Variants in PCNT observed in about 807,000 individuals in gnomAD.
PCNT encodes the protein pericentrin.
Under a neutral mutation model 380.4 loss-of-function variants are expected in PCNT, and 319 were observed. The ratio of observed to expected loss-of-function variants is 0.84; its 90% CI spans 0.77 to 0.92. The LOEUF (loss-of-function observed/expected upper bound fraction) is 0.92. PCNT is among the 40% of genes least tolerant of loss of function. PCNT has a pLI of 0.00. For synonymous variants in PCNT, 1,845 were observed against 1,735.2 expected, an observed-to-expected ratio of 1.06 and a Z score of -1.57; for missense variants, 4,400 against 4,255.3, an observed-to-expected ratio of 1.03 and a Z score of -0.95.
At position 46,357,017 on chromosome 21, in the gene PCNT, G is replaced by A. The variant is rs781055715; in HGVS notation, c.1980G>A (p.Leu660=). 3.0e-5 allele frequency: 49 copies of A among 1,614,110 alleles called. No homozygotes were observed. Among genetic ancestry groups the A allele is most frequent in the Non-Finnish European group, 4.1e-5 (48 of 1,180,050 alleles). ...TCCAGGGTGTGCAGGACGGGGACTT[G>A]GAGGCCGACACAGAGCGGGCAGCCA... ...VHLQGVQDGD[L]EADTERAARV... is the part of the protein sequence containing the mutation. Residue 660 remains leucine (L), a synonymous_variant, in exon 13 of 47, where the codon TTG becomes TTA. Transcript: ENST00000359568.
chr21:46,432,156 A>G lies in PCNT; in HGVS notation c.8692A>G (p.Arg2898Gly), dbSNP rs1162082933. The G allele has an allele frequency of 1.2e-6, 2 of 1,613,726 alleles. No homozygotes were observed. The highest frequency in any genetic ancestry group is 1.7e-5 in the Admixed American group (1 of 60,032). The stretch of plus-strand genomic sequence containing the variant: ...GGCTGCGAGGAGGAGCGCGGAGGCC[A>G]GGCAGAGCCCAGCGGCTGCGGAGCA... ...RKAARRSAEA[R>G]QSPAAAEQWR... is the part of the protein sequence containing the mutation. Residue 2898 changes from arginine to glycine, a missense_variant, in exon 38 of 47, where the codon AGG becomes GGG. Physicochemically the swap from Arg to Gly is moderately radical, Grantham distance 125. Coordinates refer to ENST00000359568, the MANE Select transcript of PCNT (RefSeq NM_006031.6).
rs376166347 is a variant in PCNT at position 46,326,466 on chromosome 21, G to T, written c.144G>T (p.Ala48=). 1.4e-5 allele frequency: 23 copies of T among 1,614,132 alleles called. No homozygotes were observed. The South Asian group carries it at 2.1e-4, about 15-fold the overall frequency. ...AGAGGAAGGGCTCGGCTGTCGATGC[G>T]TCTGTCCAGGAGGAGAGTCCGGTAA... ...TAKRKGSAVD[A]SVQEESPVTK... is the part of the protein sequence containing the mutation. Residue 48 remains alanine (A), a synonymous_variant, in exon 2 of 47, where the codon GCG becomes GCT. Transcript: ENST00000359568.
At chr21:46,401,760 G>T (rs375875479) in intron 26 of PCNT, 39 bp downstream of exon 26, 15 of 1,609,570 alleles carry the variant, frequency 9.3e-6, no homozygotes, top group African/African-American at 2.7e-5. Flanking sequence ...CCAGCCCTGG[G>T]TCAGTGTCCA....
At chr21:46,380,434 A>C (rs536785418) in intron 15 of PCNT, among the ~76,000 whole-genome samples, 10 of 151,956 alleles carry the variant, frequency 6.6e-5, no homozygotes, top group African/African-American at 1.9e-4. Context: ...TGCTGGGATT[A>C]CAGGCGTGAG....
At chr21:46,376,593 G>C (rs1415427822) in intron 15 of PCNT, among the ~76,000 whole-genome samples, 1 of 152,240 alleles carries the variant, frequency 6.6e-6, no homozygotes, top group African/African-American at 2.4e-5. Context: ...CTTGGCCTCT[G>C]TCCTGCCGGG....
chr21:46,337,594 TTTTTTGAGA>T (rs1310644702), intron 3 of PCNT, among the ~76,000 whole-genome samples: 1 of 152,156 alleles, frequency 6.6e-6, no homozygotes, highest in Non-Finnish European at 1.5e-5. Context: ...TTTTGTTTTG[TTTTTTGAGA>T]TGGAGTTTCG....
At position 46,367,014 on chromosome 21, in the gene PCNT, C is replaced by G. The variant is rs747524559; in HGVS notation, c.3040C>G (p.Gln1014Glu). ...CTCTCTTCACCAAACGATTTTGACT[C>G]AAGAGTTGGAGAAACTGAAGCGGAA... ...KDSLHQTILT[Q>E]ELEKLKRKHE... Residue 1014 changes from glutamine (Q) to glutamate (E), a missense_variant, in exon 15 of 47, where the codon CAA becomes GAA. Gln to Glu is a conservative substitution (Grantham distance 29, BLOSUM62 2). Transcript: ENST00000359568. The G allele has an allele frequency of 6.2e-7, 1 of 1,614,158 alleles. No individual in the cohort carries two copies. Among genetic ancestry groups the G allele is most frequent in the South Asian group, 1.1e-5 (1 of 91,088 alleles).
At chr21:46,327,645 T>C (rs1270360256) in intron 2 of PCNT, among the ~76,000 whole-genome samples, 1 of 152,260 alleles carries the variant, frequency 6.6e-6, no homozygotes, top group Non-Finnish European at 1.5e-5. Context: ...TGCTTTGTAA[T>C]GGAAGACTGG....
chr21:46,427,262 G>C (rs1229794545), intron 33 of PCNT, among the ~76,000 whole-genome samples: 1 of 152,216 alleles, frequency 6.6e-6, no homozygotes, highest in Non-Finnish European at 1.5e-5. Flanking sequence ...CTTCTCTTCT[G>C]TCAGGGTCAT....
chr21:46,378,386 T>C (rs1034411322), intron 15 of PCNT, among the ~76,000 whole-genome samples: 1 of 152,220 alleles, frequency 6.6e-6, no homozygotes, highest in East Asian at 1.9e-4. Context: ...AGCATTGCAA[T>C]TGAACGGCCT....
chr21:46,435,121 C>G (rs1333777575), intron 38 of PCNT, among the ~76,000 whole-genome samples: 1 of 152,212 alleles, frequency 6.6e-6, no homozygotes, highest in Non-Finnish European at 1.5e-5. Context: ...TACAGGACCA[C>G]AGGGGCTGCC....
At chr21:46,386,244 G>A (rs1190848276) in intron 17 of PCNT, among the ~76,000 whole-genome samples, 1 of 152,124 alleles carries the variant, frequency 6.6e-6, no homozygotes, top group East Asian at 1.9e-4. Context: ...TCCCCATCTG[G>A]CCAGATTAAA....
intron 3 of PCNT, among the ~76,000 whole-genome samples, chr21:46,342,382 C>T (rs1472165008): frequency 6.6e-6 from 1 of 152,158 alleles, no homozygotes; most frequent in Non-Finnish European, 1.5e-5. Context: ...GCTGTGATTA[C>T]AGGCGTGAGC....
In PCNT at chr21:46,430,246, C is replaced by G. The variant is rs768224661; in HGVS notation, c.7913+14C>G. ...CCTCCAGCTGAGGTGCGCCTGATCCCCCTTCCTGGGACACTGGCGGGAGTC... is the reference window on the plus strand; with the variant it reads ...CCTCCAGCTGAGGTGCGCCTGATCCGCCTTCCTGGGACACTGGCGGGAGTC... On this transcript the variant is annotated intron_variant, in intron 36 of 46. Transcript: ENST00000359568. 8.1e-6 allele frequency: 13 copies of G among 1,606,328 alleles called. 1 individual carries two copies. In the South Asian group the frequency reaches 9.9e-5, roughly 12 times the overall value.
chr21:46,348,824 T>C (rs1228969587), intron 6 of PCNT, among the ~76,000 whole-genome samples, 188 bp from the exon 7 acceptor site: 2 of 151,926 alleles, frequency 1.3e-5, no homozygotes, highest in Non-Finnish European at 2.9e-5. Flanking sequence ...CTCACTATGT[T>C]GCCCGGGCTG....
rs9981448 is a variant in PCNT, at chr21:46,416,534, A to G, written c.6616A>G (p.Thr2206Ala). The G allele has an allele frequency of 1.4e-3, 2,316 of 1,613,728 alleles. 38 individuals are homozygous for G. In the African/African-American group the frequency reaches 0.027, roughly 19 times the overall value. Reference protein sequence around the residue: ...VLGGSRHQSHTAEAGPRKSPV... With the variant: ...VLGGSRHQSHAAEAGPRKSPV... ...TGGTGGCTCCCGCCACCAGAGCCACACTGCAGAGGCTGGGCCCCGGAAGAG... is the reference window on the plus strand; with the variant it reads ...TGGTGGCTCCCGCCACCAGAGCCACGCTGCAGAGGCTGGGCCCCGGAAGAG... Residue 2206 changes from threonine to alanine, a missense_variant, in exon 30 of 47, where the codon ACT becomes GCT. By Grantham distance (58) the Thr-to-Ala change is moderately conservative (BLOSUM62 0). Coordinates refer to ENST00000359568, the MANE Select transcript of PCNT (RefSeq NM_006031.6).
intron 16 of PCNT, 22 bp from the exon 17 acceptor site, chr21:46,385,810 C>T (rs1032470062): frequency 3.1e-6 from 5 of 1,613,866 alleles, no homozygotes; most frequent in Non-Finnish European, 2.5e-6. Flanking sequence ...TTAACGAAAG[C>T]TTTAACCATT....
At position 46,401,612 on chromosome 21, in the gene PCNT, C is replaced by G. The variant is rs1180611631; in HGVS notation, c.4853C>G (p.Ser1618Cys). ...TTGCTTCTGGCGTCCACGTTGCAGT[C>G]TACACTAGATGCAGGCAGATGTCCC... ...SSLLLASTLQ[S>C]TLDAGRCPEP... Residue 1618 changes from serine to cysteine, a missense_variant, in exon 26 of 47, where the codon TCT becomes TGT. Physicochemically the swap from Ser to Cys is moderately radical, Grantham distance 112. Transcript: ENST00000359568. The G allele has an allele frequency of 6.2e-7, 1 of 1,613,718 alleles. No individual in the cohort carries two copies. Among genetic ancestry groups the G allele is most frequent in the Non-Finnish European group, 8.5e-7 (1 of 1,179,776 alleles).
intron 11 of PCNT, among the ~76,000 whole-genome samples, chr21:46,354,343 G>A (rs1460553627): frequency 6.6e-6 from 1 of 152,250 alleles, no homozygotes; most frequent in East Asian, 1.9e-4. Context: ...GCAGTGGGCT[G>A]CATTCGTCAG....
Sources: allele counts gnomAD v4.1 joint callset (sites outside exome capture counted in the v4.1 genomes callset), GRCh38; gene constraint gnomAD v4.1.1; transcripts MANE v1.5; gene names NCBI Gene and HGNC (gene_info 2026-07-23, HGNC 2026-07-21).